Variants in CNBD1 observed in about 807,000 individuals in gnomAD.
CNBD1 encodes the protein cyclic nucleotide binding domain containing 1, also known as cyclic nucleotide-binding domain-containing protein 1.
CNBD1 carries 71 observed loss-of-function variants against 54.4 expected under a neutral mutation model. The ratio of observed to expected loss-of-function variants is 1.30; its 90% CI spans 1.08 to 1.59. The LOEUF is 1.59. Ranked by LOEUF, CNBD1 falls within the 40% of genes most tolerant of loss-of-function variation. The pLI, the probability that CNBD1 is intolerant of heterozygous loss-of-function variation, is 0.00. For missense variants in CNBD1, 659 were observed against 518.0 expected (o/e 1.27, Z -2.64); for synonymous variants, 182 against 170.7 (o/e 1.07, Z -0.51).
At chr8:87,218,691 T>C (rs1001772058) in intron 5 of CNBD1, among the ~76,000 whole-genome samples, 1 of 152,006 alleles carries the variant, frequency 6.6e-6, no homozygotes, top group Non-Finnish European at 1.5e-5. Flanking sequence ...TTAAAAACTA[T>C]TTGATTTTAA....
At chr8:86,884,326 C>G (rs1271119586) in intron 1 of CNBD1, among the ~76,000 whole-genome samples, 1 of 152,200 alleles carries the variant, frequency 6.6e-6, no homozygotes, top group Non-Finnish European at 1.5e-5. Context: ...GGAATTGTCT[C>G]TGTCAGTGTG....
chr8:86,935,004 GGTTT>G lies in CNBD1; in HGVS notation c.273-4579_273-4576del, dbSNP rs139683366. On this transcript the variant is annotated intron_variant, in intron 3 of 10. Transcript: ENST00000518476. ...TTTTGTATTTTTCTGGAAGCATTTG[GGTTT>G]GTTTGTTTGTTTATTTATTTATTTA... 3.4e-3 allele frequency among the ~76,000 whole-genome samples: 507 copies of G among 150,322 alleles called. 1 individual carries two copies. Among genetic ancestry groups the G allele is most frequent in the African/African-American group, 9.5e-3 (386 of 40,736 alleles).
intron 4 of CNBD1, among the ~76,000 whole-genome samples, chr8:86,969,240 T>A (rs1385221895): frequency 1.3e-5 from 2 of 152,164 alleles, no homozygotes; most frequent in African/African-American, 4.8e-5. Flanking sequence ...TTGTGTTTTT[T>A]AAAATCTAAC....
intron 8 of CNBD1, among the ~76,000 whole-genome samples, chr8:87,334,116 G>A (rs1809892853): frequency 6.6e-6 from 1 of 152,064 alleles, no homozygotes; most frequent in Non-Finnish European, 1.5e-5. Context: ...TTGGGAGGGT[G>A]TATGTGTCCA....
At chr8:86,920,836 G>A (rs1809259387) in intron 3 of CNBD1, among the ~76,000 whole-genome samples, 2 of 152,038 alleles carry the variant, frequency 1.3e-5, no homozygotes, top group Admixed American at 1.3e-4. Flanking sequence ...TAAACATGTA[G>A]CTTTGATCTG....
rs537261115 is a variant in CNBD1 at position 86,901,558 on chromosome 8, A to G, written c.159-3523A>G. ...TTTCGGGCTGCTATAGATAAACACT[A>G]AATCTCAGTAGCTTTGCACAATATA... On this transcript the variant is annotated intron_variant, in intron 2 of 10. Transcript: ENST00000518476. Among the ~76,000 whole-genome samples, 10 of 152,298 alleles carry G rather than the reference A, an allele frequency of 6.6e-5. 1 individual carries two copies. In the East Asian group the frequency reaches 1.4e-3, roughly 21 times the overall value.
chr8:87,377,119 G>A (rs942547758), intron 10 of CNBD1, among the ~76,000 whole-genome samples: 4 of 125,976 alleles, frequency 3.2e-5, no homozygotes, highest in Non-Finnish European at 5.2e-5. Flanking sequence ...GATAATTTTT[G>A]TAATTTTATT....
intron 3 of CNBD1, among the ~76,000 whole-genome samples, chr8:86,918,532 G>A (rs1031987825): frequency 5.9e-5 from 9 of 151,956 alleles, no homozygotes; most frequent in African/African-American, 1.2e-4. Context: ...CATGGGAGCC[G>A]TTTCCCCCAT....
intron 8 of CNBD1, among the ~76,000 whole-genome samples, chr8:87,340,278 C>A (rs1484029328): frequency 6.6e-6 from 1 of 152,138 alleles, no homozygotes; most frequent in African/African-American, 2.4e-5. Context: ...GGTGATAATT[C>A]ATATTTTTCT....
intron 6 of CNBD1, among the ~76,000 whole-genome samples, chr8:87,271,094 T>G (rs1808353697): frequency 6.6e-6 from 1 of 151,906 alleles, no homozygotes; most frequent in Admixed American, 6.6e-5. Context: ...TGATTCTCTG[T>G]ATCTCTGTGA....
chr8:87,010,077 TA>T (rs1440069433), intron 4 of CNBD1, among the ~76,000 whole-genome samples: 1 of 152,214 alleles, frequency 6.6e-6, no homozygotes, highest in Non-Finnish European at 1.5e-5. Context: ...TTTTTGGAAT[TA>T]TTTTTTTCCC....
intron 6 of CNBD1, among the ~76,000 whole-genome samples, chr8:87,268,421 A>C (rs1030505714): frequency 1.3e-5 from 2 of 152,078 alleles, no homozygotes; most frequent in African/African-American, 4.8e-5. Context: ...ATATGAGTAC[A>C]TGTGTCTTTT....
intron 4 of CNBD1, among the ~76,000 whole-genome samples, chr8:86,955,692 C>T (rs1279916410): frequency 6.6e-6 from 1 of 151,962 alleles, no homozygotes; most frequent in Non-Finnish European, 1.5e-5. Flanking sequence ...TTGATTTTTC[C>T]TTGTAAATTC....
intron 6 of CNBD1, among the ~76,000 whole-genome samples, chr8:87,251,990 G>T (rs1300066342): frequency 4.6e-5 from 7 of 151,988 alleles, no homozygotes; most frequent in Non-Finnish European, 7.4e-5. Flanking sequence ...TATATCTGAT[G>T]GGCAGACTCA....
chr8:86,926,972 G>A (rs531439225), intron 3 of CNBD1, among the ~76,000 whole-genome samples: 1 of 152,274 alleles, frequency 6.6e-6, no homozygotes, highest in Non-Finnish European at 1.5e-5. Context: ...CTGATTTCCT[G>A]GGGCAATGTC....
At chr8:86,996,673 G>A (rs367698314) in intron 4 of CNBD1, among the ~76,000 whole-genome samples, 9 of 152,254 alleles carry the variant, frequency 5.9e-5, no homozygotes, top group African/African-American at 1.9e-4. Flanking sequence ...AGGATATTAA[G>A]CAGAATAGCA....
At chr8:87,297,261 T>C (rs1294559875) in intron 8 of CNBD1, among the ~76,000 whole-genome samples, 1 of 151,912 alleles carries the variant, frequency 6.6e-6, no homozygotes, top group Non-Finnish European at 1.5e-5. Flanking sequence ...TAAAAATTAC[T>C]AATTAGACAC....
intron 8 of CNBD1, among the ~76,000 whole-genome samples, chr8:87,324,235 G>A (rs959246301): frequency 2.3e-4 from 29 of 127,678 alleles, no homozygotes; most frequent in Non-Finnish European, 3.9e-4. Context: ...TTGCATCAAT[G>A]TTCATCAAGG....
At chr8:87,287,050 G>C (rs1320521215) in intron 8 of CNBD1, among the ~76,000 whole-genome samples, 1 of 151,988 alleles carries the variant, frequency 6.6e-6, no homozygotes, top group African/African-American at 2.4e-5. Context: ...TTCCTGGGTG[G>C]ATAACTATTT....
Sources: gnomAD v4.1 joint callset for allele counts (sites outside exome capture counted in the v4.1 genomes callset) on GRCh38, gnomAD v4.1.1 for gene constraint, MANE v1.5 for transcripts, NCBI Gene and HGNC (gene_info 2026-07-23, HGNC 2026-07-21) for gene names.